RABEP1: variants seen among roughly 807,000 people sequenced by gnomAD.
RABEP1 encodes the protein rab GTPase-binding effector protein 1.
In RABEP1, 51 loss-of-function variants were observed where a neutral mutation model predicts 123.4. The ratio of observed to expected loss-of-function variants is 0.41; its 90% CI spans 0.33 to 0.52. RABEP1 has a LOEUF of 0.52. Among genes scored for constraint, RABEP1 ranks in the 20% least tolerant of loss-of-function variants. RABEP1 has a pLI of 0.16. For synonymous variants in RABEP1, 347 were observed against 355.2 expected (o/e 0.98, Z 0.26); for missense variants, 888 against 996.3 (o/e 0.89, Z 1.46).
At chr17:5,365,615 A>G (rs1909942741) in intron 11 of RABEP1, among the ~76,000 whole-genome samples, 1 of 152,148 alleles carries the variant, frequency 6.6e-6, no homozygotes, top group Admixed American at 6.6e-5. Context: ...ACCAGAACCA[A>G]CATCTGTGTA....
At chr17:5,294,867 C>T (rs1443086057) in intron 1 of RABEP1, among the ~76,000 whole-genome samples, 8 of 150,932 alleles carry the variant, frequency 5.3e-5, no homozygotes, top group East Asian at 2.0e-4. Context: ...AGGGTGGTCT[C>T]GATCTCCTGA....
In RABEP1 at chr17:5,350,488, C is replaced by G; in HGVS notation, c.822C>G (p.Asn274Lys). 5 of 1,613,964 alleles carry G rather than the reference C, an allele frequency of 3.1e-6. No individual in the cohort carries two copies. The highest frequency in any genetic ancestry group is 3.4e-6 in the Non-Finnish European group (4 of 1,179,944). ...HLLEQERQQH[N>K]QLKHTWQKAN... is the part of the protein sequence containing the mutation. ...TGGAGCAAGAGCGACAACAACACAA[C>G]CAGTTAAAACATACGTGGCAGAAGG... is the stretch of plus-strand genomic sequence containing the variant. The change falls in exon 7 of 18, where the codon AAC (asparagine) becomes AAG (lysine). Residue 274 changes from asparagine to lysine, a missense_variant. By Grantham distance (94) the Asn-to-Lys change is moderately conservative. Coordinates refer to ENST00000537505, the MANE Select transcript of RABEP1 (RefSeq NM_004703.6).
At chr17:5,380,963 G>A (rs1850472568) in intron 16 of RABEP1, among the ~76,000 whole-genome samples, 1 of 152,206 alleles carries the variant, frequency 6.6e-6, no homozygotes, top group African/African-American at 2.4e-5. Flanking sequence ...CACACATCCT[G>A]CTGGTTTTCT....
Position 5,362,978 on chromosome 17 carries a change from C to T in RABEP1, c.1630C>T (p.Gln544Ter). The T allele has an allele frequency of 6.2e-7, 1 of 1,613,734 alleles. No individual in the cohort carries two copies. The highest frequency in any genetic ancestry group is 8.5e-7 in the Non-Finnish European group (1 of 1,179,672). ...DMCSNYEKQL[Q>*]GIQIQEAETR... ...GTGTTCCAATTACGAAAAACAGTTA[C>T]AAGGAATTCAGATTCAGGAGGCTGA... The change falls in exon 10 of 18, where the codon CAA becomes TAA. Residue 544 changes from glutamine (Q) to a stop codon, truncating the protein, a stop_gained. Coordinates refer to ENST00000537505, the MANE Select transcript of RABEP1 (RefSeq NM_004703.6). LOFTEE classifies it high-confidence loss of function.
At position 5,308,907 on chromosome 17, in the gene RABEP1, T is replaced by C. The variant is rs2075208068; in HGVS notation, c.163+85T>C. ...CTTGGTAGTAGTGTTAATTTTATCA[T>C]TGAATAAACCTTGATTTTATTTGTA... On this transcript the variant is annotated intron_variant, in intron 2 of 17. Coordinates refer to ENST00000537505, the MANE Select transcript of RABEP1 (RefSeq NM_004703.6). 7.8e-6 allele frequency: 10 copies of C among 1,281,686 alleles called. No homozygotes were observed. In the South Asian group the frequency reaches 1.3e-4, roughly 17 times the overall value. 79.4% of individuals were successfully genotyped at this position (1,281,686 alleles called of 1,614,324 possible).
chr17:5,290,161 C>T (rs2075019120), intron 1 of RABEP1, among the ~76,000 whole-genome samples: 1 of 152,224 alleles, frequency 6.6e-6, no homozygotes, highest in African/African-American at 2.4e-5. Flanking sequence ...GATCTCAGCT[C>T]ACTGCAAGCT....
intron 1 of RABEP1, chr17:5,284,148 C>T (rs1331039273): frequency 1.3e-5 from 2 of 152,106 alleles, no homozygotes; most frequent in Non-Finnish European, 2.9e-5. Flanking sequence ...GTGACATGAC[C>T]GTCTGGAATC....
At chr17:5,335,439 A>G (rs755429341) in intron 4 of RABEP1, 95 bp downstream of exon 4, 3 of 1,065,054 alleles carry the variant, frequency 2.8e-6, no homozygotes, top group Non-Finnish European at 4.1e-6. Flanking sequence ...AAGTACTTTG[A>G]TATTTCCTGT....
rs549253296 is a variant in RABEP1 at position 5,306,225 on chromosome 17, A to G, written c.35-2469A>G. Among the ~76,000 whole-genome samples, 9 of 152,304 alleles carry G rather than the reference A, an allele frequency of 5.9e-5. 1 individual carries two copies. Among genetic ancestry groups the G allele is most frequent in the Admixed American group, 3.9e-4 (6 of 15,292 alleles). On this transcript the variant is annotated intron_variant, in intron 1 of 17. Transcript: ENST00000537505. ...GGCAAAATCTTCTAACAGAAAGCCTATTGTTGACAAAGGCTGGCATACTTA... is the reference window on the plus strand; with the variant it reads ...GGCAAAATCTTCTAACAGAAAGCCTGTTGTTGACAAAGGCTGGCATACTTA...
chr17:5,383,435 A>G lies in RABEP1; in HGVS notation c.*212A>G, dbSNP rs1239025054. ...AGCCCAGAGACCTTCAAATGCGAACACTATAAACTCCAGGCTTGATTCCAA... is the reference window on the plus strand; with the variant it reads ...AGCCCAGAGACCTTCAAATGCGAACGCTATAAACTCCAGGCTTGATTCCAA... On this transcript the variant is annotated 3_prime_UTR_variant, in exon 18 of 18. Transcript: ENST00000537505. The G allele has an allele frequency of 3.0e-5, 16 of 533,182 alleles. No homozygotes were observed. Among genetic ancestry groups the G allele is most frequent in the Non-Finnish European group, 5.1e-5 (15 of 296,618 alleles). The allele number at this position is 533,182 out of a possible 1,614,324, so 33.0% of individuals were successfully genotyped here.
chr17:5,329,480 A>G (rs1049980566), intron 2 of RABEP1, among the ~76,000 whole-genome samples: 2 of 152,128 alleles, frequency 1.3e-5, no homozygotes, highest in Non-Finnish European at 2.9e-5. Context: ...GCAGTGAGCC[A>G]AGATCGTGCC....
At chr17:5,322,688 C>T (rs1397305917) in intron 2 of RABEP1, among the ~76,000 whole-genome samples, 3 of 152,194 alleles carry the variant, frequency 2.0e-5, no homozygotes, top group South Asian at 4.2e-4. Context: ...TCAGCCACCA[C>T]GATCAAGTAG....
At chr17:5,360,588 G>A (rs529274154) in intron 8 of RABEP1, among the ~76,000 whole-genome samples, 34 of 152,232 alleles carry the variant, frequency 2.2e-4, no homozygotes, top group African/African-American at 6.7e-4. Flanking sequence ...CTACGTTCTC[G>A]TCATTTCCTT....
intron 1 of RABEP1, 113 bp downstream of exon 1, chr17:5,282,633 G>A (rs2074937028): frequency 1.4e-6 from 1 of 698,860 alleles, no homozygotes; most frequent in Non-Finnish European, 1.8e-6. Context: ...CCCCGGGGGT[G>A]ACCCCGCCGG....
Position 5,311,953 on chromosome 17 carries a change from C to A in RABEP1, c.163+3131C>A, listed in dbSNP as rs563141513. 7.2e-5 allele frequency among the ~76,000 whole-genome samples: 11 copies of A among 152,198 alleles called. No homozygotes were observed. In the South Asian group the frequency reaches 2.3e-3, roughly 32 times the overall value. On this transcript the variant is annotated intron_variant, in intron 2 of 17. Transcript: ENST00000537505. Reference sequence around the variant, plus strand: ...GAGTTTTATTACAGCAATTATTATTCAATTCTCTTAGCTGTTTCTAAATTA... The same window carrying A: ...GAGTTTTATTACAGCAATTATTATTAAATTCTCTTAGCTGTTTCTAAATTA...
chr17:5,356,743 C>T (rs149079167), intron 8 of RABEP1, among the ~76,000 whole-genome samples: 3,710 of 151,442 alleles, frequency 0.024, 54 homozygotes, highest in Non-Finnish European at 0.039. Context: ...CTTGACCTCC[C>T]GGGCTCAAGC....
At chr17:5,303,364 C>T (rs1374110987) in intron 1 of RABEP1, among the ~76,000 whole-genome samples, 1 of 152,094 alleles carries the variant, frequency 6.6e-6, no homozygotes, top group Non-Finnish European at 1.5e-5. Context: ...GCCTCAGTCC[C>T]CCAAGTAGCT....
chr17:5,367,321 G>T (rs531543472), intron 11 of RABEP1, among the ~76,000 whole-genome samples: 1 of 151,760 alleles, frequency 6.6e-6, no homozygotes, highest in Non-Finnish European at 1.5e-5. Flanking sequence ...GCCCAGGCTA[G>T]AGTGCAGTGG....
intron 15 of RABEP1, among the ~76,000 whole-genome samples, chr17:5,379,921 C>T (rs574400542): frequency 1.3e-5 from 2 of 152,290 alleles, no homozygotes; most frequent in Non-Finnish European, 2.9e-5. Context: ...GTGCTGTAGG[C>T]CAGCCGAACA....
Sources: gnomAD v4.1 joint callset for allele counts (sites outside exome capture counted in the v4.1 genomes callset) on GRCh38, gnomAD v4.1.1 for gene constraint, MANE v1.5 for transcripts, NCBI Gene and HGNC (gene_info 2026-07-23, HGNC 2026-07-21) for gene names.